ZMAT3: variants seen among roughly 807,000 people sequenced by gnomAD.
The protein encoded by ZMAT3 is zinc finger matrin-type protein 3.
ZMAT3 carries 17 observed loss-of-function variants against 32.3 expected under a neutral mutation model. That is an observed-to-expected ratio of 0.53 (90% CI 0.36 to 0.79). The LOEUF (loss-of-function observed/expected upper bound fraction) is 0.79. ZMAT3 is among the 30% of genes least tolerant of loss of function. The probability of loss-of-function intolerance (pLI) is 0.00; values close to 1 mark genes in which losing one functional copy is unlikely to be tolerated. For missense variants in ZMAT3, 329 were observed against 359.7 expected, an observed-to-expected ratio of 0.91 and a Z score of 0.69; for synonymous variants, 120 against 133.1, an observed-to-expected ratio of 0.90 and a Z score of 0.68.
At position 179,067,448 on chromosome 3, in the gene ZMAT3, C is replaced by T. The variant is rs1721471958; in HGVS notation, c.270+35G>A. ...ATAGCCAGAGCCCTGAAATGTTCACCCTACTCAATGCCTGGTTTTCTTTTC... is the reference window on the plus strand; with the variant it reads ...ATAGCCAGAGCCCTGAAATGTTCACTCTACTCAATGCCTGGTTTTCTTTTC... On this transcript the variant is annotated intron_variant, in intron 2 of 5. Coordinates refer to ENST00000311417, the MANE Select transcript of ZMAT3 (RefSeq NM_022470.4). 4.4e-6 allele frequency: 7 copies of T among 1,607,346 alleles called. 1 individual carries two copies. In the South Asian group the frequency reaches 7.7e-5, roughly 18 times the overall value.
chr3:179,042,463 A>G (rs1344286336), intron 2 of ZMAT3, among the ~76,000 whole-genome samples: 1 of 152,234 alleles, frequency 6.6e-6, no homozygotes, highest in African/African-American at 2.4e-5. Context: ...AACAGAACCA[A>G]TGACAAAAAC....
chr3:179,065,885 A>G (rs568774601), intron 2 of ZMAT3, among the ~76,000 whole-genome samples: 1 of 152,306 alleles, frequency 6.6e-6, no homozygotes, highest in Admixed American at 6.5e-5. Context: ...CAGCCTGGGC[A>G]ACAGAGCGAG....
intron 2 of ZMAT3, among the ~76,000 whole-genome samples, chr3:179,063,144 T>C (rs180726547): frequency 2.6e-4 from 39 of 152,214 alleles, no homozygotes; most frequent in African/African-American, 8.7e-4. Flanking sequence ...GTAAAGCACA[T>C]GCATTAAAAC....
intron 2 of ZMAT3, among the ~76,000 whole-genome samples, chr3:179,059,825 G>A (rs1425426635): frequency 6.6e-6 from 1 of 152,140 alleles, no homozygotes; most frequent in Non-Finnish European, 1.5e-5. Context: ...TTGAGAGGGG[G>A]GACTGAGAGA....
rs1718534249 is a variant in ZMAT3, at chr3:179,021,418, GA to G, written c.*3598del. On this transcript the variant is annotated 3_prime_UTR_variant, in exon 6 of 6. Transcript: ENST00000311417. ...ACAACTTCTTACCCTCAATACCTAAGAAGAATTCTAATTGTCATCTTCTAAC... is the reference window on the plus strand; with the variant it reads ...ACAACTTCTTACCCTCAATACCTAAGAGAATTCTAATTGTCATCTTCTAAC... 6.6e-6 allele frequency: 1 copy of G among 152,118 alleles called. No individual in the cohort carries two copies. The highest frequency in any genetic ancestry group is 2.1e-4 in the South Asian group (1 of 4,824). 9.4% of individuals were successfully genotyped at this position (152,118 alleles called of 1,614,324 possible). A position where few individuals can be genotyped will look rare whatever the true frequency, so the allele number is the denominator to read the frequency against.
Position 179,024,936 on chromosome 3 carries a change from C to T in ZMAT3, c.*81G>A. On this transcript the variant is annotated 3_prime_UTR_variant, in exon 6 of 6. Coordinates refer to ENST00000311417, the MANE Select transcript of ZMAT3 (RefSeq NM_022470.4). The stretch of plus-strand genomic sequence containing the variant: ...ATTAAGCAGAGGAATGTACTCATAT[C>T]AAAAAGACCACAAAGCAGGGCAAGT... 1 of 1,246,426 alleles carries T rather than the reference C, an allele frequency of 8.0e-7. No individual in the cohort carries two copies. Among genetic ancestry groups the T allele is most frequent in the South Asian group, 1.2e-5 (1 of 83,860 alleles). The allele number at this position is 1,246,426 out of a possible 1,614,324, so 77.2% of individuals were successfully genotyped here. A position where few individuals can be genotyped will look rare whatever the true frequency, so the allele number is the denominator to read the frequency against.
chr3:179,021,905 A>G lies in ZMAT3; in HGVS notation c.*3112T>C, dbSNP rs1718565916. ...AGGTAACAAGCTCAAAACATAACCT[A>G]CTGTCATAGAGATTTGTGATTTTTT... is the stretch of plus-strand genomic sequence containing the variant. On this transcript the variant is annotated 3_prime_UTR_variant, in exon 6 of 6. Transcript: ENST00000311417. 1 of 152,156 alleles carries G rather than the reference A, an allele frequency of 6.6e-6. No homozygotes were observed. The highest frequency in any genetic ancestry group is 2.4e-5 in the African/African-American group (1 of 41,438). The allele number at this position is 152,156 out of a possible 1,614,324, so 9.4% of individuals were successfully genotyped here.
chr3:179,026,919 A>G (rs527733032), intron 5 of ZMAT3, among the ~76,000 whole-genome samples: 1 of 152,342 alleles, frequency 6.6e-6, no homozygotes. Flanking sequence ...CTAAATGTGT[A>G]TATCAGAAGC....
chr3:179,048,736 A>T (rs1720379482), intron 2 of ZMAT3, among the ~76,000 whole-genome samples: 1 of 151,794 alleles, frequency 6.6e-6, no homozygotes, highest in Non-Finnish European at 1.5e-5. Flanking sequence ...CACAGGACCT[A>T]TAAAATAACA....
intron 2 of ZMAT3, among the ~76,000 whole-genome samples, chr3:179,041,459 GAAC>G (rs1719923299): frequency 6.6e-6 from 1 of 152,334 alleles, no homozygotes; most frequent in East Asian, 1.9e-4. Flanking sequence ...CATGGAAACT[GAAC>G]AACTTGCTCC....
intron 2 of ZMAT3, among the ~76,000 whole-genome samples, chr3:179,066,538 C>T (rs956660584): frequency 5.3e-5 from 8 of 152,158 alleles, no homozygotes; most frequent in Non-Finnish European, 1.2e-4. Context: ...AGAAGAAACA[C>T]CTGTGTAACA....
intron 2 of ZMAT3, among the ~76,000 whole-genome samples, chr3:179,067,155 G>C (rs1452467501): frequency 2.6e-5 from 4 of 152,140 alleles, no homozygotes; most frequent in African/African-American, 9.7e-5. Flanking sequence ...CTGTCACCCA[G>C]GCTGGTAAAT....
At position 179,028,840 on chromosome 3, in the gene ZMAT3, G is replaced by T. The variant is rs1446414740; in HGVS notation, c.391-1028C>A. Among the ~76,000 whole-genome samples, 3 of 152,248 alleles carry T rather than the reference G, an allele frequency of 2.0e-5. 1 individual carries two copies. In the East Asian group the frequency reaches 5.8e-4, roughly 29 times the overall value. On this transcript the variant is annotated intron_variant, in intron 3 of 5. Coordinates refer to ENST00000311417, the MANE Select transcript of ZMAT3 (RefSeq NM_022470.4). ...TCAGAAAAGTAAAATGATACAAACT[G>T]GTTAAAAGCAAAGGTCTAAGATCAA...
intron 2 of ZMAT3, among the ~76,000 whole-genome samples, chr3:179,040,511 C>A (rs571523103): frequency 2.0e-5 from 3 of 152,290 alleles, no homozygotes; most frequent in East Asian, 3.9e-4. Flanking sequence ...GAAATGAAAT[C>A]CTTTACAGAC....
chr3:179,065,142 G>C (rs555326568), intron 2 of ZMAT3, among the ~76,000 whole-genome samples: 10 of 152,170 alleles, frequency 6.6e-5, no homozygotes, highest in African/African-American at 2.4e-4. Context: ...TTTTCTGTAA[G>C]CTCCTACTTT....
chr3:179,067,310 C>G (rs370112593), intron 2 of ZMAT3, among the ~76,000 whole-genome samples, 173 bp downstream of exon 2: 1 of 152,190 alleles, frequency 6.6e-6, no homozygotes, highest in East Asian at 1.9e-4. Context: ...AAAAGTGATA[C>G]TTATTTTTAA....
intron 2 of ZMAT3, 22 bp from the exon 3 acceptor site, chr3:179,031,021 GTACAGCAGTCCACCCT>G: frequency 1.9e-6 from 3 of 1,607,100 alleles, no homozygotes; most frequent in Non-Finnish European, 2.6e-6. Flanking sequence ...AATAAAATGA[GTACAGCAGTCCACCCT>G]TATCTGCAGT....
In ZMAT3 at chr3:179,027,495, C is replaced by G; in HGVS notation, c.586G>C (p.Ala196Pro). The part of the protein sequence containing the change: ...SESSELGQRR[A>P]RKEGNEFKMM... The stretch of plus-strand genomic sequence containing the variant: ...TTAAACTCATTCCCTTCTTTCCTGG[C>G]CCGCCGTTGACCCAGCTCTGAGGAT... Residue 196 changes from alanine to proline, a missense_variant, in exon 5 of 6, where the codon GCC becomes CCC. Transcript: ENST00000311417. 1.2e-6 allele frequency: 2 copies of G among 1,614,206 alleles called. No individual in the cohort carries two copies. Among genetic ancestry groups the G allele is most frequent in the South Asian group, 2.2e-5 (2 of 91,080 alleles).
At chr3:179,063,261 A>G (rs1721242084) in intron 2 of ZMAT3, among the ~76,000 whole-genome samples, 1 of 152,248 alleles carries the variant, frequency 6.6e-6, no homozygotes, top group Non-Finnish European at 1.5e-5. Flanking sequence ...GATTTAATTC[A>G]GTGATCCAAA....
Sources: gnomAD v4.1 joint callset for allele counts (sites outside exome capture counted in the v4.1 genomes callset) on GRCh38, gnomAD v4.1.1 for gene constraint, MANE v1.5 for transcripts, NCBI Gene and HGNC (gene_info 2026-07-23, HGNC 2026-07-21) for gene names.